Variants in INPPL1 observed in about 807,000 individuals in gnomAD.
INPPL1 encodes phosphatidylinositol 3,4,5-trisphosphate 5-phosphatase 2.
Under a neutral mutation model 139.3 loss-of-function variants are expected in INPPL1, and 91 were observed. That is an observed-to-expected ratio of 0.65 (90% CI 0.55 to 0.78). The LOEUF is 0.78. Ranked by LOEUF, INPPL1 falls within the 30% of genes least tolerant of loss-of-function variation. The pLI, the probability that INPPL1 is intolerant of heterozygous loss-of-function variation, is 0.00. For missense variants in INPPL1, 1,411 were observed against 1,665.6 expected, an observed-to-expected ratio of 0.85 and a Z score of 2.66; for synonymous variants, 719 against 686.6, an observed-to-expected ratio of 1.05 and a Z score of -0.74.
Position 72,230,356 on chromosome 11 carries a change from C to T in INPPL1, c.1091-6C>T. ...AGGCCCATGTGACCGGTCCTCCATGCCCTAGTCCGCCAGCTCATTAAGTCC... is the reference window on the plus strand; with the variant it reads ...AGGCCCATGTGACCGGTCCTCCATGTCCTAGTCCGCCAGCTCATTAAGTCC... On this transcript the variant is annotated splice_region_variant and splice_polypyrimidine_tract_variant and intron_variant, in intron 9 of 27. Coordinates refer to ENST00000298229, the MANE Select transcript of INPPL1 (RefSeq NM_001567.4). 1 of 1,613,944 alleles carries T rather than the reference C, an allele frequency of 6.2e-7. No individual in the cohort carries two copies. Among genetic ancestry groups the T allele is most frequent in the Non-Finnish European group, 8.5e-7 (1 of 1,179,982 alleles).
At position 72,234,180 on chromosome 11, in the gene INPPL1, C is replaced by A; in HGVS notation, c.2213-101C>A. 1.4e-5 allele frequency: 13 copies of A among 909,154 alleles called. No individual in the cohort carries two copies. The highest frequency in any genetic ancestry group is 1.6e-5 in the Non-Finnish European group (9 of 563,982). 56.3% of individuals were successfully genotyped at this position (909,154 alleles called of 1,614,324 possible). Reference sequence around the variant, plus strand: ...GGCCCCTCCTGGCCCTGCCTCCTTGCTCTGGACCCCTGATTTCCTGTCCCA... The same window carrying A: ...GGCCCCTCCTGGCCCTGCCTCCTTGATCTGGACCCCTGATTTCCTGTCCCA... On this transcript the variant is annotated intron_variant, in intron 19 of 27. Transcript: ENST00000298229. The surrounding 1 kb of genome is among the most constrained non-coding windows in gnomAD (Gnocchi z 4.2).
chr11:72,229,926 C>T lies in INPPL1; in HGVS notation c.846C>T (p.Ala282=). 1 of 1,614,086 alleles carries T rather than the reference C, an allele frequency of 6.2e-7. No individual in the cohort carries two copies. The highest frequency in any genetic ancestry group is 8.5e-7 in the Non-Finnish European group (1 of 1,180,012). The change falls in exon 8 of 28, where the codon GCC becomes GCT. Residue 282 remains alanine (A), a splice_region_variant and synonymous_variant. Transcript: ENST00000298229. ...CGCCCTGCCCTTGTTCCCTCCAGGCCCTGAAGGCCCTACAGGACATGAGCT... is the reference window on the plus strand; with the variant it reads ...CGCCCTGCCCTTGTTCCCTCCAGGCTCTGAAGGCCCTACAGGACATGAGCT... ...KDFLSGIQKK[A]LKALQDMSST...
Position 72,234,867 on chromosome 11 carries a change from T to C in INPPL1, c.2416-249T>C, listed in dbSNP as rs1352894615. Among the ~76,000 whole-genome samples, 1 of 152,080 alleles carries C rather than the reference T, an allele frequency of 6.6e-6. No homozygotes were observed. Among genetic ancestry groups the C allele is most frequent in the Non-Finnish European group, 1.5e-5 (1 of 68,020 alleles). Reference sequence around the variant, plus strand: ...CATTCAGGAGATGCTTCTTGAGCTTTTGCTAGATGTCAGGTCCTGTGTTAG... The same window carrying C: ...CATTCAGGAGATGCTTCTTGAGCTTCTGCTAGATGTCAGGTCCTGTGTTAG... On this transcript the variant is annotated intron_variant, in intron 21 of 27. Transcript: ENST00000298229. This position sits in a 1 kb window ranked among gnomAD's most constrained non-coding sequence, Gnocchi z 4.2.
chr11:72,229,498 C>T lies in INPPL1; in HGVS notation c.693C>T (p.Ile231=). 1 of 1,614,108 alleles carries T rather than the reference C, an allele frequency of 6.2e-7. No individual in the cohort carries two copies. The highest frequency in any genetic ancestry group is 8.5e-7 in the Non-Finnish European group (1 of 1,180,012). Residue 231 remains isoleucine, a synonymous_variant, in exon 6 of 28, where the codon ATC becomes ATT. Coordinates refer to ENST00000298229, the MANE Select transcript of INPPL1 (RefSeq NM_001567.4). The part of the protein sequence containing the change: ...EVDKVLSGLE[I]LSKVFDQQSS... The stretch of plus-strand genomic sequence containing the variant: ...ACAAGGTCCTGTCAGGCCTGGAGAT[C>T]CTGTCCAAGGTGTTTGACCAGCAGA...
At position 72,234,232 on chromosome 11, in the gene INPPL1, C is replaced by T; in HGVS notation, c.2213-49C>T. ...GGCCCTGTTTCTCTGTCCCATTCCT[C>T]CTGTGATCCTCTCAGTCCTCCTGTT... On this transcript the variant is annotated intron_variant, in intron 19 of 27. Transcript: ENST00000298229. This position sits in a 1 kb window ranked among gnomAD's most constrained non-coding sequence, Gnocchi z 4.2. 2.2e-6 allele frequency: 3 copies of T among 1,394,282 alleles called. No individual in the cohort carries two copies. The highest frequency in any genetic ancestry group is 4.6e-5 in the East Asian group (2 of 43,764). The allele number at this position is 1,394,282 out of a possible 1,614,324, so 86.4% of individuals were successfully genotyped here. A position where few individuals can be genotyped will look rare whatever the true frequency, so the allele number is the denominator to read the frequency against.
In INPPL1 at chr11:72,229,687, G is replaced by C; in HGVS notation, c.778G>C (p.Glu260Gln). Residue 260 changes from glutamate to glutamine, a missense_variant, in exon 7 of 28, where the codon GAA (glutamate) becomes CAA (glutamine). By Grantham distance (29) the Glu-to-Gln change is conservative. Around this residue, in one of 5 missense-constraint regions of INPPL1, gnomAD observed 504 missense variants for 595.6 expected, o/e 0.85. Transcript: ENST00000298229. ...GAACCTGCCACAGACAGGGGAGCAGGAACTAGAGAGCCTGGTGCTGAAGCT... is the reference window on the plus strand; with the variant it reads ...GAACCTGCCACAGACAGGGGAGCAGCAACTAGAGAGCCTGGTGCTGAAGCT... The part of the protein sequence containing the change: ...QQNLPQTGEQ[E>Q]LESLVLKLSV... 1 of 1,614,108 alleles carries C rather than the reference G, an allele frequency of 6.2e-7. No homozygotes were observed. The highest frequency in any genetic ancestry group is 2.2e-5 in the East Asian group (1 of 44,886).
At chr11:72,230,931 A>G in intron 11 of INPPL1, 33 bp downstream of exon 11, 1 of 1,612,556 alleles carries the variant, frequency 6.2e-7, no homozygotes, top group Non-Finnish European at 8.5e-7. Context: ...GGCGGGAGAG[A>G]GGGATGGCCC....
rs749646417 is a variant in INPPL1, at chr11:72,229,578, C to T, written c.753+20C>T. On this transcript the variant is annotated intron_variant, in intron 6 of 27. Transcript: ENST00000298229. Reference sequence around the variant, plus strand: ...CAGCAGGTAGATTGTAGGGAGACCTCTGGGAGGTGCGTTCGTGTTCTGGAG... The same window carrying T: ...CAGCAGGTAGATTGTAGGGAGACCTTTGGGAGGTGCGTTCGTGTTCTGGAG... 6.2e-7 allele frequency: 1 copy of T among 1,613,474 alleles called. No individual in the cohort carries two copies. The highest frequency in any genetic ancestry group is 1.1e-5 in the South Asian group (1 of 91,064).
At position 72,237,138 on chromosome 11, in the gene INPPL1, G is replaced by T; in HGVS notation, c.2894G>T (p.Gly965Val). The T allele has an allele frequency of 6.3e-7, 1 of 1,587,992 alleles. No individual in the cohort carries two copies. Among genetic ancestry groups the T allele is most frequent in the Non-Finnish European group, 8.6e-7 (1 of 1,163,570 alleles). Reference protein sequence around the residue: ...EPLTPRLKPEGAPEPEGVAAP... With the variant: ...EPLTPRLKPEVAPEPEGVAAP... ...TCCACACCCAGGTTGAAGCCAGAGG[G>T]AGCTCCTGAACCAGAAGGGGTGGCG... Residue 965 changes from glycine to valine, a missense_variant, in exon 26 of 28, where the codon GGA becomes GTA. Gly to Val is a moderately radical substitution (Grantham distance 109). Transcript: ENST00000298229.
intron 13 of INPPL1, 73 bp downstream of exon 13, chr11:72,231,688 A>C: frequency 1.9e-6 from 2 of 1,076,466 alleles, no homozygotes; most frequent in Non-Finnish European, 2.9e-6. Context: ...TCTCAAGCCT[A>C]GGATTGCCCC....
intron 13 of INPPL1, 117 bp from the exon 14 acceptor site, chr11:72,232,121 TCA>T (rs922021738): frequency 2.5e-5 from 20 of 804,254 alleles, no homozygotes; most frequent in Non-Finnish European, 3.7e-5. Flanking sequence ...CCTGCCCATG[TCA>T]CAGCGTCTGG....
chr11:72,228,990 C>T lies in INPPL1; in HGVS notation c.519-100C>T. On this transcript the variant is annotated intron_variant, in intron 4 of 27. Transcript: ENST00000298229. This position sits in a 1 kb window ranked among gnomAD's most constrained non-coding sequence, Gnocchi z 5.0. ...CCAGAGGCAGATAACCTGATCCATC[C>T]CGCCCTGGTTGCCACAGGTACTATC... 6.5e-7 allele frequency: 1 copy of T among 1,528,730 alleles called. No homozygotes were observed. The highest frequency in any genetic ancestry group is 1.3e-5 in the South Asian group (1 of 78,260). 94.7% of individuals were successfully genotyped at this position (1,528,730 alleles called of 1,614,324 possible).
chr11:72,238,450 G>GT lies in INPPL1; in HGVS notation c.*98dup. The GT allele has an allele frequency of 2.1e-6, 2 of 969,112 alleles. No individual in the cohort carries two copies. The highest frequency in any genetic ancestry group is 1.7e-5 in the African/African-American group (1 of 58,884). 60.0% of individuals were successfully genotyped at this position (969,112 alleles called of 1,614,324 possible). ...TTGAAAAGTTATGAGGGTCAGGGCA[G>GT]TATCTCTCTGCCTATTTATTGGGGT... On this transcript the variant is annotated 3_prime_UTR_variant, in exon 28 of 28. Transcript: ENST00000298229.
chr11:72,227,961 G>T (rs1948720426), intron 1 of INPPL1: 1 of 568,916 alleles, frequency 1.8e-6, no homozygotes, highest in Non-Finnish European at 3.2e-6. Flanking sequence ...AGTCTGTGTA[G>T]GTCTGGTGGG....
At position 72,237,396 on chromosome 11, in the gene INPPL1, C is replaced by T. The variant is rs1333204082; in HGVS notation, c.3152C>T (p.Pro1051Leu). The change falls in exon 26 of 28, where the codon CCA (proline) becomes CTA (leucine). Residue 1051 changes from proline (P) to leucine (L), a missense_variant. Physicochemically the swap from Pro to Leu is moderately conservative, Grantham distance 98. This residue lies in a region of INPPL1 where 438 missense variants were observed against 425.7 expected (regional missense o/e 1.03). Coordinates refer to ENST00000298229, the MANE Select transcript of INPPL1 (RefSeq NM_001567.4). Reference sequence around the variant, plus strand: ...GAGTCTGGAGGCACACTGCCCCCTCCAGACTTTCCACCTCCACCACTGCCG... The same window carrying T: ...GAGTCTGGAGGCACACTGCCCCCTCTAGACTTTCCACCTCCACCACTGCCG... ...DEESGGTLPPPDFPPPPLPDS... is the reference protein window; with the variant it reads ...DEESGGTLPPLDFPPPPLPDS... 2 of 1,613,394 alleles carry T rather than the reference C, an allele frequency of 1.2e-6. No homozygotes were observed. Among genetic ancestry groups the T allele is most frequent in the Non-Finnish European group, 1.7e-6 (2 of 1,179,776 alleles).
At position 72,231,626 on chromosome 11, in the gene INPPL1, C is replaced by T. The variant is rs1228087979; in HGVS notation, c.1615+11C>T. ...TCGCCAACACCCTGGGTAAGTGGGG[C>T]TGGCAGGTGCCCAAGAGTGGCAGCG... On this transcript the variant is annotated intron_variant, in intron 13 of 27. Transcript: ENST00000298229. The T allele has an allele frequency of 5.1e-6, 8 of 1,581,956 alleles. No homozygotes were observed. The highest frequency in any genetic ancestry group is 6.9e-6 in the Non-Finnish European group (8 of 1,151,980).
Position 72,235,281 on chromosome 11 carries a change from C to T in INPPL1, c.2504-15C>T. The T allele has an allele frequency of 6.2e-7, 1 of 1,613,886 alleles. No individual in the cohort carries two copies. Among genetic ancestry groups the T allele is most frequent in the Middle Eastern group, 1.7e-4 (1 of 6,056 alleles). On this transcript the variant is annotated splice_polypyrimidine_tract_variant and intron_variant, in intron 22 of 27. Transcript: ENST00000298229. The surrounding 1 kb of genome is among the most constrained non-coding windows in gnomAD (Gnocchi z 4.9). Reference sequence around the variant, plus strand: ...TAGCTTGGTAATTTGCTGGTTTGTCCCATCTGCTCCTCAGGGGAGTGTGTG... The same window carrying T: ...TAGCTTGGTAATTTGCTGGTTTGTCTCATCTGCTCCTCAGGGGAGTGTGTG...
In INPPL1 at chr11:72,229,652, C is replaced by T. The variant is rs867029347; in HGVS notation, c.754-11C>T. ...TGACTCATGTACAAGCCTGGTTCTT[C>T]CTCCCCCCAGAACCTGCCACAGACA... is the stretch of plus-strand genomic sequence containing the variant. On this transcript the variant is annotated splice_polypyrimidine_tract_variant and intron_variant, in intron 6 of 27. Transcript: ENST00000298229. 1.2e-6 allele frequency: 2 copies of T among 1,613,586 alleles called. No homozygotes were observed. The highest frequency in any genetic ancestry group is 1.7e-6 in the Non-Finnish European group (2 of 1,179,712).
At chr11:72,224,418 T>C (rs557533579), upstream of INPPL1, among the ~76,000 whole-genome samples, 5 of 150,644 alleles carry the variant, frequency 3.3e-5, no homozygotes, top group South Asian at 8.4e-4. Flanking sequence ...GGAAGAGCCA[T>C]GGAGTGGAAT....
Sources: allele counts gnomAD v4.1 joint callset (sites outside exome capture counted in the v4.1 genomes callset), GRCh38; gene constraint gnomAD v4.1.1; regional missense constraint gnomAD v4.1.1; non-coding constraint Gnocchi (gnomAD v3.1); transcripts MANE v1.5; gene names NCBI Gene and HGNC (gene_info 2026-07-23, HGNC 2026-07-21).